The following GMDS variants were observed in gnomAD, a reference collection of about 807,000 sequenced individuals.
GMDS encodes GDP-mannose 4,6-dehydratase, also known as GDP-mannose 4,6 dehydratase.
In GMDS, 20 loss-of-function variants were observed where a neutral mutation model predicts 49.9. That is an observed-to-expected ratio of 0.40 (90% CI 0.28 to 0.58). GMDS has a LOEUF of 0.58. GMDS is among the 20% of genes least tolerant of loss of function. The pLI is 0.42. For missense variants in GMDS, 362 were observed against 481.4 expected (o/e 0.75, Z 2.32); for synonymous variants, 177 against 178.6 (o/e 0.99, Z 0.07).
In GMDS at chr6:2,031,336, C is replaced by T. The variant is rs77778451; in HGVS notation, c.346-70370G>A. 8.7e-3 allele frequency among the ~76,000 whole-genome samples: 1,332 copies of T among 152,278 alleles called. 20 individuals are homozygous for T. The highest frequency in any genetic ancestry group is 0.031 in the African/African-American group (1,273 of 41,550). On this transcript the variant is annotated intron_variant, in intron 4 of 10. Coordinates refer to ENST00000380815, the MANE Select transcript of GMDS (RefSeq NM_001500.4). ...ACTCATTCAATCAGTTTCCCAACCT[C>T]TTCTGTGTTCTAGGTATCCTAGATA...
intron 4 of GMDS, among the ~76,000 whole-genome samples, chr6:1,999,950 A>ATTT (rs1766582051): frequency 2.4e-5 from 1 of 41,802 alleles, no homozygotes; most frequent in African/African-American, 7.8e-5. Context: ...ATAATATATA[A>ATTT]TATGTATATT....
intron 9 of GMDS, 62 bp from the exon 10 acceptor site, chr6:1,624,602 C>A: frequency 8.3e-7 from 1 of 1,199,806 alleles, no homozygotes; most frequent in Non-Finnish European, 1.2e-6. Context: ...CAGCAGGTCC[C>A]GAGCCCCGGG....
At chr6:1,803,838 A>C (rs1770051821) in intron 7 of GMDS, among the ~76,000 whole-genome samples, 1 of 152,172 alleles carries the variant, frequency 6.6e-6, no homozygotes, top group South Asian at 2.1e-4. Context: ...GGAGAGGTTC[A>C]GAAGTAAAAA....
At chr6:1,710,878 T>G (rs1014820123) in intron 9 of GMDS, among the ~76,000 whole-genome samples, 2 of 152,156 alleles carry the variant, frequency 1.3e-5, no homozygotes, top group African/African-American at 4.8e-5. Flanking sequence ...GACAGACTTG[T>G]GAAGGGGTTG....
chr6:1,936,042 T>C (rs1003930524), intron 6 of GMDS, among the ~76,000 whole-genome samples: 8 of 152,218 alleles, frequency 5.3e-5, no homozygotes, highest in Admixed American at 3.3e-4. Flanking sequence ...TCAGCTTTAA[T>C]ATCTATCTGT....
At chr6:2,188,378 C>T (rs1778869835) in intron 1 of GMDS, among the ~76,000 whole-genome samples, 2 of 152,186 alleles carry the variant, frequency 1.3e-5, no homozygotes, top group African/African-American at 4.8e-5. Context: ...TTCTTTTAGT[C>T]TCCCCAGCTG....
chr6:1,895,557 G>A (rs1229713607), intron 7 of GMDS, among the ~76,000 whole-genome samples: 1 of 152,146 alleles, frequency 6.6e-6, no homozygotes, highest in Non-Finnish European at 1.5e-5. Context: ...GTGTGGCCAG[G>A]GATACTGTAT....
rs959968254 is a variant in GMDS at position 1,766,582 on chromosome 6, T to C, written c.772-23996A>G. ...TATGGCTCGGGAGGAGGGTCTAAGG[T>C]GGGCCTCGCTACTCCAGTGCCTCCG... is the stretch of plus-strand genomic sequence containing the variant. On this transcript the variant is annotated intron_variant, in intron 7 of 10. Transcript: ENST00000380815. This position sits in a 1 kb window ranked among gnomAD's most constrained non-coding sequence, Gnocchi z 4.5. Among the ~76,000 whole-genome samples, 5 of 152,086 alleles carry C rather than the reference T, an allele frequency of 3.3e-5. No homozygotes were observed. The highest frequency in any genetic ancestry group is 1.2e-4 in the African/African-American group (5 of 41,412).
intron 1 of GMDS, among the ~76,000 whole-genome samples, chr6:2,152,457 A>C (rs925126780): frequency 1.3e-5 from 2 of 152,156 alleles, no homozygotes; most frequent in African/African-American, 2.4e-5. Flanking sequence ...CCAAATTTAA[A>C]AATGATAACA....
chr6:1,753,427 C>T (rs897336690), intron 7 of GMDS, among the ~76,000 whole-genome samples: 11 of 152,086 alleles, frequency 7.2e-5, no homozygotes, highest in Non-Finnish European at 1.5e-4. Flanking sequence ...ACTTAGACTC[C>T]CACACAATAA....
At chr6:2,073,909 C>T (rs1772163714) in intron 4 of GMDS, among the ~76,000 whole-genome samples, 1 of 152,086 alleles carries the variant, frequency 6.6e-6, no homozygotes, top group Admixed American at 6.5e-5. Flanking sequence ...ATACATTTGT[C>T]CACCGATGAA....
intron 4 of GMDS, among the ~76,000 whole-genome samples, chr6:2,063,843 GA>G (rs1257785490): frequency 6.6e-6 from 1 of 152,216 alleles, no homozygotes; most frequent in Non-Finnish European, 1.5e-5. Context: ...TGTGGAGTGA[GA>G]ACGAGCCAGA....
chr6:1,875,606 G>A (rs1370739228), intron 7 of GMDS, among the ~76,000 whole-genome samples: 2 of 152,074 alleles, frequency 1.3e-5, no homozygotes, highest in African/African-American at 4.8e-5. Flanking sequence ...TCACTATCTT[G>A]TATGTCAAGA....
At position 1,900,927 on chromosome 6, in the gene GMDS, A is replaced by G. The variant is rs185588196; in HGVS notation, c.771+29176T>C. Among the ~76,000 whole-genome samples, 90 of 152,346 alleles carry G rather than the reference A, an allele frequency of 5.9e-4. 1 individual carries two copies. Among genetic ancestry groups the G allele is most frequent in the Admixed American group, 1.4e-3 (21 of 15,304 alleles). ...TTTCAGACGACTCAGTTATGCCAAC[A>G]TGTCGCGCTAACTCACTACCACGCA... is the stretch of plus-strand genomic sequence containing the variant. On this transcript the variant is annotated intron_variant, in intron 7 of 10. Transcript: ENST00000380815.
intron 7 of GMDS, among the ~76,000 whole-genome samples, chr6:1,746,693 A>T (rs959478205): frequency 2.9e-4 from 9 of 31,416 alleles, no homozygotes; most frequent in Non-Finnish European, 5.4e-4. Flanking sequence ...CTTTAGTTTT[A>T]TTTATTTATT....
Position 2,025,357 on chromosome 6 carries a change from GGTGTGTGTGTGTGTGTGTGTGT to G in GMDS, c.346-64413_346-64392del, listed in dbSNP as rs200096039. On this transcript the variant is annotated intron_variant, in intron 4 of 10. Transcript: ENST00000380815. Reference sequence around the variant, plus strand: ...ATTAGTTCTGTAAATCTGATGGTGGGGTGTGTGTGTGTGTGTGTGTGTGTGTGTGTGTGTGTGTGTGTGTGTG... The same window carrying G: ...ATTAGTTCTGTAAATCTGATGGTGGGGTGTGTGTGTGTGTGTGTGTGTGTG... Among the ~76,000 whole-genome samples the G allele has an allele frequency of 3.7e-4, 51 of 136,660 alleles. 1 individual carries two copies. The highest frequency in any genetic ancestry group is 2.6e-3 in the Admixed American group (35 of 13,538). The allele number at this position is 136,660 out of a possible 152,430, so 89.7% of individuals were successfully genotyped here. A position where few individuals can be genotyped will look rare whatever the true frequency, so the allele number is the denominator to read the frequency against.
At chr6:1,972,093 G>C (rs532521465) in intron 4 of GMDS, among the ~76,000 whole-genome samples, 1 of 152,254 alleles carries the variant, frequency 6.6e-6, no homozygotes, top group Non-Finnish European at 1.5e-5. Flanking sequence ...TAACTCCGTG[G>C]TCACAATTCT....
intron 4 of GMDS, among the ~76,000 whole-genome samples, chr6:2,079,018 T>A (rs1772508249): frequency 1.7e-5 from 2 of 117,762 alleles, no homozygotes; most frequent in Admixed American, 1.8e-4. Context: ...AATGACCTTG[T>A]CTTTTTTTTT....
intron 9 of GMDS, among the ~76,000 whole-genome samples, chr6:1,680,634 C>T (rs1445140185): frequency 2.0e-5 from 3 of 152,144 alleles, no homozygotes; most frequent in African/African-American, 7.2e-5. Context: ...TTGAGATCCT[C>T]GAGTTAAAGG....
Sources: gnomAD v4.1 joint callset for allele counts (sites outside exome capture counted in the v4.1 genomes callset) on GRCh38, gnomAD v4.1.1 for gene constraint, Gnocchi (gnomAD v3.1) non-coding constraint, MANE v1.5 for transcripts, NCBI Gene and HGNC (gene_info 2026-07-23, HGNC 2026-07-21) for gene names.